The following ZNF213 variants were observed in gnomAD, a reference collection of about 807,000 sequenced individuals.
The protein encoded by ZNF213 is zinc finger protein 213.
ZNF213 carries 32 observed loss-of-function variants against 46.0 expected under a neutral mutation model. The ratio of observed to expected loss-of-function variants is 0.70; its 90% CI spans 0.52 to 0.93. ZNF213 has a LOEUF of 0.93. Ranked by LOEUF, ZNF213 falls within the 40% of genes least tolerant of loss-of-function variation. ZNF213 has a pLI of 0.00. For missense variants in ZNF213, 639 were observed against 652.8 expected (o/e 0.98, Z 0.23); for synonymous variants, 297 against 271.0 (o/e 1.10, Z -0.94).
At chr16:3,138,929 C>T (rs776104025) in intron 4 of ZNF213, 46 bp from the exon 5 acceptor site, 5 of 1,614,022 alleles carry the variant, frequency 3.1e-6, no homozygotes, top group Non-Finnish European at 4.2e-6. Flanking sequence ...CTGTCCCCGC[C>T]AGTGCTGCTG....
Position 3,137,203 on chromosome 16 carries a change from G to C in ZNF213, c.-78G>C, listed in dbSNP as rs1957548701. ...AGATGCCAGCCCAGCTACCACAGGGGATCCCTCTGGGAGACTGAAAGTACA... is the reference window on the plus strand; with the variant it reads ...AGATGCCAGCCCAGCTACCACAGGGCATCCCTCTGGGAGACTGAAAGTACA... On this transcript the variant is annotated 5_prime_UTR_variant, in exon 2 of 6. Transcript: ENST00000396878. 1 of 1,497,972 alleles carries C rather than the reference G, an allele frequency of 6.7e-7. No individual in the cohort carries two copies. Among genetic ancestry groups the C allele is most frequent in the Admixed American group, 2.3e-5 (1 of 44,194 alleles). 92.8% of individuals were successfully genotyped at this position (1,497,972 alleles called of 1,614,324 possible).
In ZNF213 at chr16:3,137,387, A is replaced by C. The variant is rs1957551912; in HGVS notation, c.107A>C (p.Glu36Ala). 1 of 1,613,878 alleles carries C rather than the reference A, an allele frequency of 6.2e-7. No homozygotes were observed. The highest frequency in any genetic ancestry group is 1.3e-5 in the African/African-American group (1 of 74,930). Residue 36 changes from glutamate to alanine, a missense_variant, in exon 2 of 6, where the codon GAG becomes GCG. Transcript: ENST00000396878. ...SSWEQESAQH[E>A]DGRDSEACRQ... is the part of the protein sequence containing the mutation. Reference sequence around the variant, plus strand: ...TGGGAACAGGAATCTGCCCAGCATGAGGATGGCAGGGATTCCGAAGCCTGC... The same window carrying C: ...TGGGAACAGGAATCTGCCCAGCATGCGGATGGCAGGGATTCCGAAGCCTGC...
Position 3,141,355 on chromosome 16 carries a change from G to A in ZNF213, c.*8G>A, listed in dbSNP as rs2735537. ...GCCCAGCCCGTGGGGTGAGCAGCTG[G>A]CTTGGCCGGAAACCCGGGGGAGGCC... On this transcript the variant is annotated 3_prime_UTR_variant, in exon 6 of 6. Transcript: ENST00000396878. The A allele has an allele frequency of 0.39, 598,294 of 1,531,412 alleles. 119,130 individuals carry two copies. Among genetic ancestry groups the A allele is most frequent in the South Asian group, 0.43 (34,854 of 80,494 alleles). The allele number at this position is 1,531,412 out of a possible 1,614,324, so 94.9% of individuals were successfully genotyped here.
Position 3,138,777 on chromosome 16 carries a change from C to T in ZNF213, c.556C>T (p.Pro186Ser), listed in dbSNP as rs376398072. 11 of 1,614,044 alleles carry T rather than the reference C, an allele frequency of 6.8e-6. No individual in the cohort carries two copies. Among genetic ancestry groups the T allele is most frequent in the Non-Finnish European group, 9.3e-6 (11 of 1,179,976 alleles). The change falls in exon 4 of 6, where the codon CCC (proline) becomes TCC (serine). Residue 186 changes from proline to serine, a missense_variant. By Grantham distance (74) the Pro-to-Ser change is moderately conservative. Coordinates refer to ENST00000396878, the MANE Select transcript of ZNF213 (RefSeq NM_004220.3). ...TCCTGCTCTTCTTAAAGAGGGTCGT[C>T]CCGGAGAGACGACGGACACCTGCTT... is the stretch of plus-strand genomic sequence containing the variant. ...QPPALLKEGR[P>S]GETTDTCFVS...
chr16:3,138,202 T>C lies in ZNF213; in HGVS notation c.400-216T>C, dbSNP rs1957562778. 22 of 910,320 alleles carry C rather than the reference T, an allele frequency of 2.4e-5. 1 individual carries two copies. The highest frequency in any genetic ancestry group is 3.6e-4 in the Middle Eastern group (1 of 2,814). 56.4% of individuals were successfully genotyped at this position (910,320 alleles called of 1,614,324 possible). ...GGCTGTGATTCTGGCCTTTCAGGGC[T>C]GGTTCTTGCCTCGTGAATGATCGGG... is the stretch of plus-strand genomic sequence containing the variant. On this transcript the variant is annotated intron_variant, in intron 2 of 5. Transcript: ENST00000396878.
In ZNF213 at chr16:3,138,434, A is replaced by C. The variant is rs1211010783; in HGVS notation, c.416A>C (p.Glu139Ala). The C allele has an allele frequency of 1.9e-6, 3 of 1,613,294 alleles. No homozygotes were observed. Among genetic ancestry groups the C allele is most frequent in the Non-Finnish European group, 2.5e-6 (3 of 1,179,700 alleles). ...CCTGCACAGGATGTGCCCTCGGAGG[A>C]GGCGGAACCCGAGGCTGCAGGCCGG... ...KAWRQDVPSE[E>A]AEPEAAGRGS... is the part of the protein sequence containing the mutation. The change falls in exon 3 of 6, where the codon GAG becomes GCG. Residue 139 changes from glutamate to alanine, a missense_variant. Transcript: ENST00000396878.
In ZNF213 at chr16:3,137,438, A is replaced by G. The variant is rs1957552542; in HGVS notation, c.158A>G (p.Tyr53Cys). 9 of 1,613,814 alleles carry G rather than the reference A, an allele frequency of 5.6e-6. No homozygotes were observed. The highest frequency in any genetic ancestry group is 2.2e-5 in the East Asian group (1 of 44,896). Residue 53 changes from tyrosine to cysteine, a missense_variant, in exon 2 of 6, where the codon TAC becomes TGC. Physicochemically the swap from Tyr to Cys is radical, Grantham distance 194. Transcript: ENST00000396878. ...ACRQRFRQFC[Y>C]GDVHGPHEAF... ...CGCCAGCGCTTCCGGCAATTCTGCTACGGGGATGTGCATGGGCCTCATGAG... is the reference window on the plus strand; with the variant it reads ...CGCCAGCGCTTCCGGCAATTCTGCTGCGGGGATGTGCATGGGCCTCATGAG...
chr16:3,136,013 A>C (rs1177365127), intron 1 of ZNF213, among the ~76,000 whole-genome samples: 1 of 151,594 alleles, frequency 6.6e-6, no homozygotes, highest in East Asian at 1.9e-4. Context: ...GTTTTTTGGT[A>C]CAGATGGCGT....
At chr16:3,140,089 A>C (rs537161926) in intron 5 of ZNF213, 1 of 152,346 alleles carries the variant, frequency 6.6e-6, no homozygotes, top group South Asian at 2.1e-4. Flanking sequence ...GTGGAGCTTG[A>C]TATCTGGGGT....
At position 3,140,892 on chromosome 16, in the gene ZNF213, C is replaced by T. The variant is rs1433285945; in HGVS notation, c.925C>T (p.Arg309Trp). 4 of 1,583,204 alleles carry T rather than the reference C, an allele frequency of 2.5e-6. No individual in the cohort carries two copies. Among genetic ancestry groups the T allele is most frequent in the South Asian group, 1.1e-5 (1 of 89,428 alleles). Reference sequence around the variant, plus strand: ...GCCACCCACTCGCCGGCGCCAGTTCCGGGACCTGGCAGCCGAGAAGCCGCA... The same window carrying T: ...GCCACCCACTCGCCGGCGCCAGTTCTGGGACCTGGCAGCCGAGAAGCCGCA... Reference protein sequence around the residue: ...GRPPTRRRQFRDLAAEKPHSC... With the variant: ...GRPPTRRRQFWDLAAEKPHSC... The change falls in exon 6 of 6, where the codon CGG (arginine) becomes TGG (tryptophan). Residue 309 changes from arginine (R) to tryptophan (W), a missense_variant. Transcript: ENST00000396878.
intron 2 of ZNF213, 109 bp downstream of exon 2, chr16:3,137,788 C>T (rs1596306390): frequency 2.9e-6 from 4 of 1,366,426 alleles, no homozygotes; most frequent in Non-Finnish European, 4.0e-6. Flanking sequence ...AGGGGAGACA[C>T]AGAGCCCCCA....
At chr16:3,136,578 G>A (rs1260715650) in intron 1 of ZNF213, among the ~76,000 whole-genome samples, 1 of 152,102 alleles carries the variant, frequency 6.6e-6, no homozygotes, top group African/African-American at 2.4e-5. Flanking sequence ...TTAGCTGGAC[G>A]TGGTAGCTGG....
At position 3,141,610 on chromosome 16, in the gene ZNF213, C is replaced by G. The variant is rs1957605490; in HGVS notation, c.*263C>G. ...TAGCGTTCCTCTTCCCCTCTAGTTT[C>G]CTGGAGCCCCAACACATTCCTGGCA... On this transcript the variant is annotated 3_prime_UTR_variant, in exon 6 of 6. Transcript: ENST00000396878. The G allele has an allele frequency of 2.0e-6, 1 of 492,130 alleles. No individual in the cohort carries two copies. Among genetic ancestry groups the G allele is most frequent in the East Asian group, 3.3e-5 (1 of 30,496 alleles). The allele number at this position is 492,130 out of a possible 1,614,324, so 30.5% of individuals were successfully genotyped here. A position where few individuals can be genotyped will look rare whatever the true frequency, so the allele number is the denominator to read the frequency against.
In ZNF213 at chr16:3,140,852, C is replaced by T. The variant is rs756621325; in HGVS notation, c.885C>T (p.Gly295=). ...GGGCGGCCCTGGGCCCAGTGGTGGG[C>T]GCGCGACGGGGGCGGCCACCCACTC... is the stretch of plus-strand genomic sequence containing the variant. ...RPRAALGPVV[G]ARRGRPPTRR... The change falls in exon 6 of 6, where the codon GGC becomes GGT. Residue 295 remains glycine (G), a synonymous_variant. Coordinates refer to ENST00000396878, the MANE Select transcript of ZNF213 (RefSeq NM_004220.3). 9 of 1,578,660 alleles carry T rather than the reference C, an allele frequency of 5.7e-6. No homozygotes were observed. Among genetic ancestry groups the T allele is most frequent in the Non-Finnish European group, 5.1e-6 (6 of 1,166,786 alleles).
At chr16:3,138,918 C>A (rs879573750) in intron 4 of ZNF213, 57 bp from the exon 5 acceptor site, 18 of 1,613,726 alleles carry the variant, frequency 1.1e-5, no homozygotes, top group Non-Finnish European at 1.5e-5. Flanking sequence ...TCTGACCCAT[C>A]CTGTCCCCGC....
chr16:3,139,240 G>A, intron 5 of ZNF213, 142 bp downstream of exon 5: 1 of 1,285,632 alleles, frequency 7.8e-7, no homozygotes, highest in Non-Finnish European at 1.1e-6. Flanking sequence ...CTCCTTTCTT[G>A]GCTGATGATC....
chr16:3,139,837 G>A (rs980175617), intron 5 of ZNF213: 1 of 151,756 alleles, frequency 6.6e-6, no homozygotes. Context: ...TCCACCTCCC[G>A]GGTTCAAGCA....
intron 2 of ZNF213, 179 bp from the exon 3 acceptor site, chr16:3,138,239 G>C: frequency 8.1e-7 from 1 of 1,234,298 alleles, no homozygotes; most frequent in East Asian, 2.5e-5. Context: ...AGCATCCTTG[G>C]GCACACAGCA....
At position 3,138,781 on chromosome 16, in the gene ZNF213, G is replaced by C; in HGVS notation, c.560G>C (p.Gly187Ala). ...GCTCTTCTTAAAGAGGGTCGTCCCG[G>C]AGAGACGACGGACACCTGCTTTGTC... ...PPALLKEGRP[G>A]ETTDTCFVSG... is the part of the protein sequence containing the mutation. The change falls in exon 4 of 6, where the codon GGA becomes GCA. Residue 187 changes from glycine (G) to alanine (A), a missense_variant. Physicochemically the swap from Gly to Ala is moderately conservative, Grantham distance 60. Transcript: ENST00000396878. The C allele has an allele frequency of 6.2e-7, 1 of 1,613,992 alleles. No homozygotes were observed. Among genetic ancestry groups the C allele is most frequent in the East Asian group, 2.2e-5 (1 of 44,872 alleles).
Sources: allele counts gnomAD v4.1 joint callset (sites outside exome capture counted in the v4.1 genomes callset), GRCh38; gene constraint gnomAD v4.1.1; transcripts MANE v1.5; gene names NCBI Gene and HGNC (gene_info 2026-07-23, HGNC 2026-07-21).